The following NCKAP5 variants were observed in gnomAD, a reference collection of about 807,000 sequenced individuals.
The protein encoded by NCKAP5 is nck-associated protein 5.
Under a neutral mutation model 167.0 loss-of-function variants are expected in NCKAP5, and 92 were observed. That is an observed-to-expected ratio of 0.55 (90% CI 0.47 to 0.66). The LOEUF (loss-of-function observed/expected upper bound fraction) is 0.66. NCKAP5 is among the 30% of genes least tolerant of loss of function. The probability of loss-of-function intolerance (pLI) is 0.00; values close to 1 mark genes in which losing one functional copy is unlikely to be tolerated. For synonymous variants in NCKAP5, 891 were observed against 877.4 expected (o/e 1.02, Z -0.27); for missense variants, 2,378 against 2,315.0 (o/e 1.03, Z -0.56).
At chr2:133,337,420 T>C (rs1178721754) in intron 3 of NCKAP5, among the ~76,000 whole-genome samples, 1 of 152,092 alleles carries the variant, frequency 6.6e-6, no homozygotes, top group Non-Finnish European at 1.5e-5. Flanking sequence ...TAGGGATGAG[T>C]TCTAATCAGA....
chr2:132,693,959 G>A (rs939303726), intron 19 of NCKAP5, among the ~76,000 whole-genome samples: 1 of 151,944 alleles, frequency 6.6e-6, no homozygotes, highest in African/African-American at 2.4e-5. Context: ...GTTTATGGCA[G>A]CTCCTGGGAA....
At chr2:133,330,365 A>G (rs1287619077) in intron 3 of NCKAP5, among the ~76,000 whole-genome samples, 1 of 146,524 alleles carries the variant, frequency 6.8e-6, no homozygotes. Flanking sequence ...GTTTACAGAC[A>G]TGATACACCA....
At chr2:133,412,330 C>G (rs946997006) in intron 3 of NCKAP5, among the ~76,000 whole-genome samples, 1 of 152,230 alleles carries the variant, frequency 6.6e-6, no homozygotes, top group East Asian at 1.9e-4. Context: ...TCTTGGACTT[C>G]CAGACTCCAA....
chr2:133,615,173 C>T, the NCKAP5 span, among the ~76,000 whole-genome samples: 6 of 152,008 alleles, frequency 3.9e-5, no homozygotes, highest in African/African-American at 1.2e-4. Flanking sequence ...AAGGAAAAAC[C>T]GGTACCAGCC....
chr2:133,273,327 T>G (rs1005827115), intron 4 of NCKAP5, among the ~76,000 whole-genome samples: 2 of 152,212 alleles, frequency 1.3e-5, no homozygotes, highest in Non-Finnish European at 2.9e-5. Context: ...ATTGGTCATT[T>G]GTATGTGTCT....
At chr2:133,167,072 A>G (rs1483905199) in intron 5 of NCKAP5, among the ~76,000 whole-genome samples, 4 of 152,196 alleles carry the variant, frequency 2.6e-5, no homozygotes, top group African/African-American at 9.6e-5. Context: ...TGTGGTCTGT[A>G]ATAAAAAAAT....
At chr2:133,526,840 A>G (rs1184717532) in intron 2 of NCKAP5, among the ~76,000 whole-genome samples, 5 of 152,226 alleles carry the variant, frequency 3.3e-5, no homozygotes, top group African/African-American at 1.2e-4. Flanking sequence ...AAACAGATAA[A>G]TACATTTTAT....
intron 4 of NCKAP5, among the ~76,000 whole-genome samples, chr2:133,283,050 C>T (rs758061731): frequency 2.6e-5 from 4 of 152,106 alleles, no homozygotes; most frequent in Non-Finnish European, 5.9e-5. Context: ...TAACATAAAT[C>T]AGAATGAAGT....
intron 6 of NCKAP5, among the ~76,000 whole-genome samples, chr2:133,008,305 ATTAC>A: frequency 6.6e-6 from 1 of 152,108 alleles, no homozygotes; most frequent in African/African-American, 2.4e-5. Context: ...AGCCTACACA[ATTAC>A]TTTCCCTGAG....
chr2:132,709,893 G>A (rs2105311673), intron 19 of NCKAP5, among the ~76,000 whole-genome samples: 1 of 152,146 alleles, frequency 6.6e-6, no homozygotes, highest in South Asian at 2.1e-4. Flanking sequence ...AGAAAATAAT[G>A]TCGCTGACAC....
chr2:132,714,593 G>A (rs963844308), intron 19 of NCKAP5, among the ~76,000 whole-genome samples: 5 of 151,990 alleles, frequency 3.3e-5, no homozygotes, highest in African/African-American at 7.2e-5. Context: ...CGAGGCTGGC[G>A]GATCACCTGA....
intron 5 of NCKAP5, among the ~76,000 whole-genome samples, chr2:133,194,689 C>T (rs1457905438): frequency 6.6e-6 from 1 of 151,720 alleles, no homozygotes; most frequent in Non-Finnish European, 1.5e-5. Context: ...CTCACTTTTA[C>T]ACCTAATACT....
At chr2:133,349,892 C>G (rs1388151133) in intron 3 of NCKAP5, among the ~76,000 whole-genome samples, 1 of 152,096 alleles carries the variant, frequency 6.6e-6, no homozygotes, top group East Asian at 1.9e-4. Flanking sequence ...CTTTCAGCAA[C>G]CAGGGTAAAC....
chr2:132,835,699 T>C (rs1255738884), intron 11 of NCKAP5, among the ~76,000 whole-genome samples: 1 of 152,180 alleles, frequency 6.6e-6, no homozygotes, highest in Admixed American at 6.5e-5. Context: ...CATAGCACTA[T>C]TCTCAATTTT....
chr2:133,054,938 G>A (rs2079744241), intron 6 of NCKAP5, among the ~76,000 whole-genome samples: 2 of 152,216 alleles, frequency 1.3e-5, no homozygotes, highest in South Asian at 4.1e-4. Flanking sequence ...CTACAAAACA[G>A]CCTAGCAAAA....
intron 3 of NCKAP5, among the ~76,000 whole-genome samples, chr2:133,400,809 A>AT (rs533230555): frequency 2.0e-5 from 3 of 151,960 alleles, no homozygotes; most frequent in Non-Finnish European, 4.4e-5. Flanking sequence ...AAAAATGCTG[A>AT]TTTTTTTTCT....
intron 5 of NCKAP5, among the ~76,000 whole-genome samples, chr2:133,182,315 A>G (rs1384879761): frequency 6.6e-6 from 1 of 152,202 alleles, no homozygotes; most frequent in Non-Finnish European, 1.5e-5. Flanking sequence ...AAAATACACT[A>G]AAGAAATTCA....
chr2:132,708,866 T>G (rs1384233160), intron 19 of NCKAP5, among the ~76,000 whole-genome samples: 1 of 152,186 alleles, frequency 6.6e-6, no homozygotes, highest in South Asian at 2.1e-4. Flanking sequence ...TTGGGTTGTA[T>G]TTTGGCTTTT....
At chr2:132,811,513 G>T (rs986537799) in intron 11 of NCKAP5, among the ~76,000 whole-genome samples, 1 of 151,986 alleles carries the variant, frequency 6.6e-6, no homozygotes, top group Non-Finnish European at 1.5e-5. Flanking sequence ...AGTCATGCAG[G>T]TTGTCAGGGA....
Sources: gnomAD v4.1 joint callset for allele counts (sites outside exome capture counted in the v4.1 genomes callset) on GRCh38, gnomAD v4.1.1 for gene constraint, MANE v1.5 for transcripts, NCBI Gene and HGNC (gene_info 2026-07-23, HGNC 2026-07-21) for gene names.